The following CLSTN2 variants were observed in gnomAD, a reference collection of about 807,000 sequenced individuals.
CLSTN2 encodes calsyntenin-2.
A neutral mutation model predicts 101.2 loss-of-function variants in CLSTN2; 48 were observed. The observed-to-expected ratio is 0.47, with a 90% CI of 0.38 to 0.60. The LOEUF is 0.60. CLSTN2 is among the 20% of genes least tolerant of loss of function. CLSTN2 has a pLI of 0.00. For missense variants in CLSTN2, 1,160 were observed against 1,238.2 expected (o/e 0.94, Z 0.95); for synonymous variants, 481 against 463.6 (o/e 1.04, Z -0.48).
intron 1 of CLSTN2, among the ~76,000 whole-genome samples, chr3:140,077,277 G>C (rs943591744): frequency 2.0e-5 from 3 of 152,002 alleles, no homozygotes; most frequent in African/African-American, 7.3e-5. Context: ...GTCATTCTCC[G>C]CCAGTGGCTA....
intron 8 of CLSTN2, among the ~76,000 whole-genome samples, chr3:140,511,895 G>A (rs951821531): frequency 4.6e-5 from 7 of 151,852 alleles, no homozygotes; most frequent in African/African-American, 1.7e-4. Context: ...GATCAATGAT[G>A]TTGAGCTTTT....
chr3:139,937,972 G>C (rs145986270), intron 1 of CLSTN2, among the ~76,000 whole-genome samples: 1 of 151,776 alleles, frequency 6.6e-6, no homozygotes, highest in African/African-American at 2.4e-5. Flanking sequence ...ACTTTAGTTA[G>C]TATTTACAGG....
chr3:140,336,286 C>T (rs2087438960), intron 2 of CLSTN2, among the ~76,000 whole-genome samples: 1 of 152,122 alleles, frequency 6.6e-6, no homozygotes, highest in Non-Finnish European at 1.5e-5. Flanking sequence ...ATTCATTTCT[C>T]CATTACACAC....
chr3:140,304,503 C>G (rs537259715), intron 2 of CLSTN2, among the ~76,000 whole-genome samples: 33 of 152,264 alleles, frequency 2.2e-4, no homozygotes, highest in African/African-American at 7.0e-4. Flanking sequence ...TATCTTCCTC[C>G]TCTTATAAGG....
At chr3:140,088,479 A>G (rs1372521352) in intron 1 of CLSTN2, among the ~76,000 whole-genome samples, 1 of 152,044 alleles carries the variant, frequency 6.6e-6, no homozygotes, top group Non-Finnish European at 1.5e-5. Context: ...CTGAGCCACA[A>G]TTTCCCATCC....
intron 1 of CLSTN2, among the ~76,000 whole-genome samples, chr3:139,977,725 C>T (rs1363205397): frequency 6.6e-6 from 1 of 151,898 alleles, no homozygotes; most frequent in Non-Finnish European, 1.5e-5. Context: ...GGGCAGTGGG[C>T]AAAGCCCTGA....
chr3:140,020,633 G>A (rs1409435673), intron 1 of CLSTN2, among the ~76,000 whole-genome samples: 2 of 152,150 alleles, frequency 1.3e-5, no homozygotes, highest in African/African-American at 2.4e-5. Flanking sequence ...CAAATGCAAG[G>A]CCAGACAGGC....
intron 1 of CLSTN2, among the ~76,000 whole-genome samples, chr3:139,962,314 T>C (rs1935524699): frequency 6.6e-6 from 1 of 152,226 alleles, no homozygotes; most frequent in South Asian, 2.1e-4. Flanking sequence ...ATTGAAAGTA[T>C]ATGATCTGAT....
At chr3:140,111,571 T>C (rs1459333369) in intron 1 of CLSTN2, among the ~76,000 whole-genome samples, 1 of 152,106 alleles carries the variant, frequency 6.6e-6, no homozygotes, top group African/African-American at 2.4e-5. Flanking sequence ...CTACAAGGGT[T>C]CCCTTCTTAT....
intron 8 of CLSTN2, among the ~76,000 whole-genome samples, chr3:140,481,261 A>C (rs576425221): frequency 6.6e-6 from 1 of 152,272 alleles, no homozygotes; most frequent in East Asian, 1.9e-4. Flanking sequence ...AGTTGTAGAT[A>C]CGTGGCATTA....
At chr3:140,094,325 C>T (rs2008831717) in intron 1 of CLSTN2, among the ~76,000 whole-genome samples, 1 of 152,180 alleles carries the variant, frequency 6.6e-6, no homozygotes, top group South Asian at 2.1e-4. Context: ...CTTTAGAGAC[C>T]ATGCCCTTTC....
chr3:140,565,664 C>T (rs1392491970), intron 16 of CLSTN2, among the ~76,000 whole-genome samples: 2 of 152,202 alleles, frequency 1.3e-5, no homozygotes, highest in African/African-American at 4.8e-5. Flanking sequence ...CAAATGTCAT[C>T]CTCTCACTGA....
At chr3:140,204,691 G>A (rs2010758310) in intron 2 of CLSTN2, among the ~76,000 whole-genome samples, 1 of 152,182 alleles carries the variant, frequency 6.6e-6, no homozygotes, top group Non-Finnish European at 1.5e-5. Flanking sequence ...ATGCCCAAAT[G>A]TCCCTGCCTG....
chr3:140,018,106 C>T (rs775060317), intron 1 of CLSTN2, among the ~76,000 whole-genome samples: 5 of 152,150 alleles, frequency 3.3e-5, no homozygotes, highest in Non-Finnish European at 7.3e-5. Flanking sequence ...TCAGGGCACC[C>T]CTTTTCTCCA....
At chr3:140,516,086 T>C (rs933756203) in intron 8 of CLSTN2, among the ~76,000 whole-genome samples, 1 of 152,212 alleles carries the variant, frequency 6.6e-6, no homozygotes, top group African/African-American at 2.4e-5. Flanking sequence ...CATTATGTAA[T>C]GTTCCTCTTT....
chr3:139,993,049 ATT>A (rs1207515037), intron 1 of CLSTN2, among the ~76,000 whole-genome samples: 1 of 152,076 alleles, frequency 6.6e-6, no homozygotes, highest in Non-Finnish European at 1.5e-5. Context: ...AAGAGGGCTG[ATT>A]GGTCAATGCG....
intron 7 of CLSTN2, among the ~76,000 whole-genome samples, chr3:140,464,263 T>A (rs561587977): frequency 6.6e-6 from 1 of 152,288 alleles, no homozygotes; most frequent in South Asian, 2.1e-4. Context: ...CCTTTCCCTA[T>A]TGTGGGCCAC....
At chr3:140,127,933 T>C (rs921027596) in intron 1 of CLSTN2, among the ~76,000 whole-genome samples, 1 of 152,140 alleles carries the variant, frequency 6.6e-6, no homozygotes, top group Non-Finnish European at 1.5e-5. Context: ...CTAAGTGCCA[T>C]CCTTATTTAA....
intron 1 of CLSTN2, among the ~76,000 whole-genome samples, chr3:139,998,336 C>CTTTTTTTTT (rs60541490): frequency 0.014 from 963 of 66,750 alleles, 139 homozygotes; most frequent in African/African-American, 0.034. Flanking sequence ...CCCCACATGC[C>CTTTTTTTTT]TTTTTTTTTT....
Sources: gnomAD v4.1 joint callset for allele counts (sites outside exome capture counted in the v4.1 genomes callset) on GRCh38, gnomAD v4.1.1 for gene constraint, MANE v1.5 for transcripts, NCBI Gene and HGNC (gene_info 2026-07-23, HGNC 2026-07-21) for gene names.